MYO18B: variants seen among roughly 807,000 people sequenced by gnomAD.
MYO18B encodes the protein myosin XVIIIB.
Under a neutral mutation model 273.0 loss-of-function variants are expected in MYO18B, and 204 were observed. The ratio of observed to expected loss-of-function variants is 0.75; its 90% CI spans 0.67 to 0.84. The LOEUF is 0.84. Among genes scored for constraint, MYO18B ranks in the 40% least tolerant of loss-of-function variants. The pLI is 0.00. For synonymous variants in MYO18B, 1,330 were observed against 1,305.7 expected, an observed-to-expected ratio of 1.02 and a Z score of -0.40; for missense variants, 3,212 against 3,287.6, an observed-to-expected ratio of 0.98 and a Z score of 0.56.
At chr22:25,976,211 C>T (rs372295133) in intron 39 of MYO18B, among the ~76,000 whole-genome samples, 3 of 152,164 alleles carry the variant, frequency 2.0e-5, no homozygotes, top group Admixed American at 6.5e-5. Context: ...GAATTATCTG[C>T]TCCCAGATAT....
chr22:25,765,328 G>A (rs947828278), intron 3 of MYO18B, among the ~76,000 whole-genome samples: 2 of 152,146 alleles, frequency 1.3e-5, no homozygotes, highest in African/African-American at 2.4e-5. Context: ...AAATAACTCC[G>A]TACTCTCTTG....
At chr22:25,772,225 A>C (rs1601645831) in intron 6 of MYO18B, 109 bp from the exon 7 acceptor site, 7 of 978,634 alleles carry the variant, frequency 7.2e-6, no homozygotes, top group Non-Finnish European at 8.7e-6. Flanking sequence ...TTTGGCACAT[A>C]GCTCTCAAGA....
chr22:25,817,068 A>G (rs1428448959), intron 12 of MYO18B, among the ~76,000 whole-genome samples: 1 of 152,150 alleles, frequency 6.6e-6, no homozygotes, highest in Non-Finnish European at 1.5e-5. Context: ...AAAAACAGCT[A>G]TGTTATTTCT....
intron 42 of MYO18B, among the ~76,000 whole-genome samples, chr22:26,006,803 C>A (rs1224984673): frequency 6.6e-6 from 1 of 152,124 alleles, no homozygotes; most frequent in Non-Finnish European, 1.5e-5. Flanking sequence ...AGCCTGGCAC[C>A]TAGAAAGAGC....
chr22:25,985,893 A>G (rs1324198615), intron 39 of MYO18B, among the ~76,000 whole-genome samples: 1 of 152,046 alleles, frequency 6.6e-6, no homozygotes, highest in East Asian at 1.9e-4. Flanking sequence ...CGGCCTCCTA[A>G]AGTGCTGGGA....
rs138399664 is a variant in MYO18B, at chr22:25,803,572, T to C, written c.2521+5475T>C. Among the ~76,000 whole-genome samples, 58 of 152,248 alleles carry C rather than the reference T, an allele frequency of 3.8e-4. No individual in the cohort carries two copies. In the East Asian group the frequency reaches 9.7e-3, roughly 25 times the overall value. ...CTGTGATGGGTCAAGTATGTATGTG[T>C]ATGCCAAGAAGACTAGACTTTGCAG... On this transcript the variant is annotated intron_variant, in intron 12 of 43. Transcript: ENST00000335473.
In MYO18B at chr22:25,985,918, C is replaced by T. The variant is rs187361756; in HGVS notation, c.6157-6445C>T. 2.1e-3 allele frequency among the ~76,000 whole-genome samples: 326 copies of T among 152,292 alleles called. 1 individual carries two copies. Among genetic ancestry groups the T allele is most frequent in the African/African-American group, 7.4e-3 (308 of 41,556 alleles). On this transcript the variant is annotated intron_variant, in intron 39 of 43. Transcript: ENST00000335473. The stretch of plus-strand genomic sequence containing the variant: ...AAGTGCTGGGATTAGAGGCATGAGC[C>T]GCCCCGCCCAGCCTACAGGGCTTTT...
chr22:25,887,630 A>G (rs188705833), intron 25 of MYO18B, among the ~76,000 whole-genome samples: 35 of 152,134 alleles, frequency 2.3e-4, no homozygotes, highest in South Asian at 1.9e-3. Flanking sequence ...TTGGTTTTCA[A>G]TTTGCAATCG....
intron 41 of MYO18B, among the ~76,000 whole-genome samples, chr22:26,004,389 C>T (rs557410938): frequency 6.6e-6 from 1 of 152,280 alleles, no homozygotes; most frequent in South Asian, 2.1e-4. Flanking sequence ...GAGACCTCAA[C>T]ATTTGTAGTG....
chr22:25,982,855 G>A (rs1221052735), intron 39 of MYO18B, among the ~76,000 whole-genome samples: 1 of 152,172 alleles, frequency 6.6e-6, no homozygotes, highest in African/African-American at 2.4e-5. Flanking sequence ...TTAGATCATA[G>A]ACATCTTTGG....
intron 12 of MYO18B, among the ~76,000 whole-genome samples, chr22:25,799,163 T>G (rs866770956): frequency 2.7e-5 from 1 of 37,524 alleles, no homozygotes; most frequent in African/African-American, 6.2e-5. Flanking sequence ...GTGTGTGTGC[T>G]TGGATAGGTG....
At chr22:25,816,687 C>T (rs985715330) in intron 12 of MYO18B, among the ~76,000 whole-genome samples, 4 of 152,182 alleles carry the variant, frequency 2.6e-5, no homozygotes, top group African/African-American at 7.2e-5. Context: ...GTTCGTCATT[C>T]CCATTTTACA....
At chr22:25,945,762 GCCTCC>G (rs2092699250) in intron 34 of MYO18B, among the ~76,000 whole-genome samples, 2 of 4,722 alleles carry the variant, frequency 4.2e-4, no homozygotes, top group Admixed American at 3.3e-3. Context: ...CCCTCCCCTC[GCCTCC>G]CCTCCCCTCG....
intron 2 of MYO18B, chr22:25,762,943 C>T: frequency 1.7e-6 from 1 of 577,138 alleles, no homozygotes; most frequent in Non-Finnish European, 3.4e-6. Flanking sequence ...AACCAGCAGC[C>T]TTGACCATAC....
At chr22:25,794,075 G>A (rs1460976172) in intron 11 of MYO18B, among the ~76,000 whole-genome samples, 2 of 151,202 alleles carry the variant, frequency 1.3e-5, no homozygotes, top group African/African-American at 2.4e-5. Context: ...CTGGGACTAT[G>A]GGCACCCGCC....
chr22:25,968,096 C>G, intron 39 of MYO18B, among the ~76,000 whole-genome samples: 1 of 152,298 alleles, frequency 6.6e-6, no homozygotes, highest in Non-Finnish European at 1.5e-5. Context: ...GTTAGGCTGA[C>G]AAACAGCAAG....
At chr22:25,921,170 T>G in intron 33 of MYO18B, 87 bp from the exon 34 acceptor site, 1 of 1,392,956 alleles carries the variant, frequency 7.2e-7, no homozygotes, top group Non-Finnish European at 9.7e-7. Context: ...AGAGGCAGGA[T>G]TTAAACCAGG....
intron 9 of MYO18B, among the ~76,000 whole-genome samples, chr22:25,781,378 G>T (rs2087141920): frequency 6.6e-6 from 1 of 152,160 alleles, no homozygotes; most frequent in Non-Finnish European, 1.5e-5. Context: ...GGGAGGCTGA[G>T]ACGGGTGGAT....
chr22:25,813,250 T>G (rs1360979634), intron 12 of MYO18B, among the ~76,000 whole-genome samples: 1 of 149,242 alleles, frequency 6.7e-6, no homozygotes, highest in East Asian at 2.0e-4. Context: ...AATGGTGCAG[T>G]CTCAGCTCAC....
Sources: allele counts gnomAD v4.1 joint callset (sites outside exome capture counted in the v4.1 genomes callset), GRCh38; gene constraint gnomAD v4.1.1; transcripts MANE v1.5; gene names NCBI Gene and HGNC (gene_info 2026-07-23, HGNC 2026-07-21).